Variants in ST7L observed in about 807,000 individuals in gnomAD.
ST7L encodes the protein suppression of tumorigenicity 7 like, also known as suppressor of tumorigenicity 7 protein-like.
ST7L carries 57 observed loss-of-function variants against 72.5 expected under a neutral mutation model. The ratio of observed to expected loss-of-function variants is 0.79; its 90% CI spans 0.64 to 0.98. The LOEUF (loss-of-function observed/expected upper bound fraction) is 0.98, where lower values mean the gene tolerates loss of function less well. ST7L is among the 50% of genes least tolerant of loss of function. The probability of loss-of-function intolerance (pLI) is 0.00; values close to 1 mark genes in which losing one functional copy is unlikely to be tolerated. For synonymous variants in ST7L, 221 were observed against 240.9 expected, an observed-to-expected ratio of 0.92 and a Z score of 0.77; for missense variants, 576 against 672.2, an observed-to-expected ratio of 0.86 and a Z score of 1.58.
chr1:112,594,987 A>G (rs1666231471), intron 5 of ST7L, among the ~76,000 whole-genome samples: 1 of 152,216 alleles, frequency 6.6e-6, no homozygotes, highest in African/African-American at 2.4e-5. Flanking sequence ...ACTCTACAGC[A>G]TGAAATAATG....
chr1:112,532,583 T>G (rs1654555098), intron 14 of ST7L, among the ~76,000 whole-genome samples: 1 of 152,230 alleles, frequency 6.6e-6, no homozygotes, highest in African/African-American at 2.4e-5. Context: ...ACATAGCCCT[T>G]TTCTACACTT....
intron 14 of ST7L, chr1:112,540,571 C>T: frequency 1.0e-6 from 1 of 985,462 alleles, no homozygotes; most frequent in Non-Finnish European, 1.2e-6. Context: ...CAGACTCAGA[C>T]TCCTAGGCCT....
intron 11 of ST7L, among the ~76,000 whole-genome samples, chr1:112,573,348 C>CAAAAAAAAAAAAAAAAAAAAAAAAAA (rs35107656): frequency 1.4e-5 from 1 of 69,664 alleles, no homozygotes; most frequent in African/African-American, 5.8e-5. Context: ...AACTCCCTCT[C>CAAAAAAAAAAAAAAAAAAAAAAAAAA]AAAAAAAAAA....
chr1:112,591,378 A>C, intron 6 of ST7L, 147 bp downstream of exon 6: 1 of 629,892 alleles, frequency 1.6e-6, no homozygotes. Context: ...GTTGGCAAAC[A>C]CTGAAAATTT....
downstream of ST7L, chr1:112,522,675 G>A (rs1652945775): frequency 6.6e-6 from 1 of 152,294 alleles, no homozygotes; most frequent in Admixed American, 6.5e-5. Flanking sequence ...TGAGACCTGT[G>A]TGGGAGAGTT....
At chr1:112,550,573 G>T in intron 13 of ST7L, 28 bp downstream of exon 13, 1 of 1,550,780 alleles carries the variant, frequency 6.4e-7, no homozygotes, top group Non-Finnish European at 8.9e-7. Context: ...CTACTTTTAA[G>T]TTTAAGAAAA....
intron 14 of ST7L, among the ~76,000 whole-genome samples, chr1:112,537,901 T>C (rs1655475293): frequency 6.6e-6 from 1 of 152,224 alleles, no homozygotes; most frequent in African/African-American, 2.4e-5. Flanking sequence ...CTAAAACCAT[T>C]AGCCATTCTA....
At chr1:112,533,804 C>A (rs925837084) in intron 14 of ST7L, among the ~76,000 whole-genome samples, 1 of 152,074 alleles carries the variant, frequency 6.6e-6, no homozygotes, top group African/African-American at 2.4e-5. Flanking sequence ...TACAGGGGTG[C>A]GCCACCATGC....
At chr1:112,577,109 G>GA in intron 10 of ST7L, 21 bp from the exon 11 acceptor site, 1 of 1,440,042 alleles carries the variant, frequency 6.9e-7, no homozygotes, top group East Asian at 2.4e-5. Flanking sequence ...ACCACAAAAT[G>GA]AAAAAATAAA....
chr1:112,600,469 G>A (rs935838318), intron 4 of ST7L, among the ~76,000 whole-genome samples: 15 of 152,028 alleles, frequency 9.9e-5, no homozygotes, highest in African/African-American at 3.1e-4. Flanking sequence ...GGTGGCATGT[G>A]CCTATAGTCC....
At chr1:112,553,999 C>A (rs1452233510) in intron 12 of ST7L, among the ~76,000 whole-genome samples, 1 of 152,170 alleles carries the variant, frequency 6.6e-6, no homozygotes, top group African/African-American at 2.4e-5. Context: ...AAATTACAGG[C>A]ATGAGCCACC....
intron 14 of ST7L, among the ~76,000 whole-genome samples, chr1:112,530,569 C>A (rs1049148339): frequency 2.0e-5 from 3 of 152,120 alleles, no homozygotes; most frequent in Admixed American, 2.0e-4. Context: ...CGCCTGCCAC[C>A]ACATCAGGCT....
At chr1:112,571,749 T>G (rs532482541) in intron 11 of ST7L, among the ~76,000 whole-genome samples, 3 of 152,226 alleles carry the variant, frequency 2.0e-5, no homozygotes, top group Non-Finnish European at 4.4e-5. Flanking sequence ...TGAAGCATAC[T>G]TTATATATCC....
chr1:112,529,751 T>G (rs1570846743), intron 14 of ST7L: 1 of 98,990 alleles, frequency 1.0e-5, no homozygotes, highest in Non-Finnish European at 2.2e-5. Context: ...AGATAAAAGT[T>G]AAAAAAAAAA....
intron 11 of ST7L, chr1:112,571,193 C>A (rs1041203448): frequency 7.4e-6 from 3 of 403,730 alleles, no homozygotes; most frequent in Non-Finnish European, 1.5e-5. Flanking sequence ...TTCAAAAAAA[C>A]CTTAATAATT....
In ST7L at chr1:112,524,185, T is replaced by C. The variant is rs940710035; in HGVS notation, c.*1828A>G. ...TCAAGAACACCAACCAGTAAGTCTT[T>C]GCCAAATTCTCAGACCCACTCAGGA... is the stretch of plus-strand genomic sequence containing the variant. On this transcript the variant is annotated 3_prime_UTR_variant, in exon 15 of 15. Coordinates refer to ENST00000358039, the MANE Select transcript of ST7L (RefSeq NM_017744.5). The C allele has an allele frequency of 4.6e-5, 7 of 152,600 alleles. No individual in the cohort carries two copies. The highest frequency in any genetic ancestry group is 1.7e-4 in the African/African-American group (7 of 41,440). The allele number at this position is 152,600 out of a possible 1,614,324, so 9.5% of individuals were successfully genotyped here.
At chr1:112,611,168 C>T (rs879384885) in intron 2 of ST7L, among the ~76,000 whole-genome samples, 165 bp from the exon 3 acceptor site, 1 of 152,100 alleles carries the variant, frequency 6.6e-6, no homozygotes, top group African/African-American at 2.4e-5. Flanking sequence ...TAACATGTCA[C>T]GTAAAAGTGA....
At chr1:112,609,697 C>T (rs1260603857) in intron 3 of ST7L, among the ~76,000 whole-genome samples, 2 of 152,042 alleles carry the variant, frequency 1.3e-5, no homozygotes, top group East Asian at 3.9e-4. Flanking sequence ...GTGGTGCATG[C>T]CTGTAGTCCC....
At chr1:112,614,574 G>C (rs1278346160) in intron 2 of ST7L, among the ~76,000 whole-genome samples, 1 of 152,072 alleles carries the variant, frequency 6.6e-6, no homozygotes, top group Non-Finnish European at 1.5e-5. Flanking sequence ...AAAATGGTCT[G>C]TATTTAGTCC....
Sources: gnomAD v4.1 joint callset for allele counts (sites outside exome capture counted in the v4.1 genomes callset) on GRCh38, gnomAD v4.1.1 for gene constraint, MANE v1.5 for transcripts, NCBI Gene and HGNC (gene_info 2026-07-23, HGNC 2026-07-21) for gene names.